Variants in WASF1 observed in about 807,000 individuals in gnomAD.
The protein encoded by WASF1 is actin-binding protein WASF1.
Under a neutral mutation model 50.5 loss-of-function variants are expected in WASF1, and 7 were observed. The ratio of observed to expected loss-of-function variants is 0.14; its 90% CI spans 0.08 to 0.26. The LOEUF is 0.26. WASF1 is among the 10% of genes least tolerant of loss of function. The probability of loss-of-function intolerance (pLI) is 1.00; values close to 1 mark genes in which losing one functional copy is unlikely to be tolerated. For missense variants in WASF1, 470 were observed against 694.7 expected (o/e 0.68, Z 3.64); for synonymous variants, 205 against 244.0 (o/e 0.84, Z 1.49).
At chr6:110,178,963 TTA>T (rs1009158427) in intron 1 of WASF1, among the ~76,000 whole-genome samples, 2 of 152,172 alleles carry the variant, frequency 1.3e-5, no homozygotes, top group Non-Finnish European at 2.9e-5. Flanking sequence ...CGCTTTACCG[TTA>T]TGTTTTCAGA....
At chr6:110,160,927 T>C (rs189919341) in intron 2 of WASF1, among the ~76,000 whole-genome samples, 195 bp from the exon 3 acceptor site, 41 of 151,690 alleles carry the variant, frequency 2.7e-4, no homozygotes, top group African/African-American at 9.9e-4. Flanking sequence ...TCATTAATCA[T>C]ATTCTACCAA....
intron 2 of WASF1, among the ~76,000 whole-genome samples, chr6:110,169,841 T>C (rs1417744247): frequency 1.3e-5 from 2 of 152,166 alleles, no homozygotes; most frequent in South Asian, 4.1e-4. Context: ...AGATATTTAG[T>C]ACAATGCCTA....
At chr6:110,141,913 A>G (rs1002884989) in intron 3 of WASF1, among the ~76,000 whole-genome samples, 1 of 152,016 alleles carries the variant, frequency 6.6e-6, no homozygotes, top group African/African-American at 2.4e-5. Context: ...CTGGGATTAC[A>G]GGTGCGCACC....
At chr6:110,114,573 G>T (rs1773710671) in intron 4 of WASF1, among the ~76,000 whole-genome samples, 1 of 152,082 alleles carries the variant, frequency 6.6e-6, no homozygotes. Context: ...ACTCTAACAT[G>T]ATTTGAGAAA....
chr6:110,114,444 AT>A (rs1316080237), intron 4 of WASF1, among the ~76,000 whole-genome samples: 2 of 152,234 alleles, frequency 1.3e-5, no homozygotes, highest in Non-Finnish European at 2.9e-5. Flanking sequence ...TCATGAAGCC[AT>A]TGCTGCAGAT....
chr6:110,113,824 T>C (rs544729148), intron 4 of WASF1, among the ~76,000 whole-genome samples: 2 of 152,288 alleles, frequency 1.3e-5, no homozygotes, highest in South Asian at 4.1e-4. Context: ...GCATAAAATC[T>C]ATGTAAATAC....
intron 3 of WASF1, among the ~76,000 whole-genome samples, chr6:110,158,556 G>GA (rs1776123919): frequency 7.7e-6 from 1 of 130,680 alleles, no homozygotes; most frequent in African/African-American, 3.3e-5. Context: ...GGCCATCTTG[G>GA]CTCTTCCCCT....
chr6:110,116,126 G>A (rs977799340), intron 4 of WASF1, among the ~76,000 whole-genome samples: 3 of 152,190 alleles, frequency 2.0e-5, no homozygotes, highest in Admixed American at 6.5e-5. Context: ...TGCAGAAGAC[G>A]GGTGATTTCT....
intron 3 of WASF1, among the ~76,000 whole-genome samples, chr6:110,145,133 A>G (rs887210140): frequency 2.0e-5 from 3 of 151,914 alleles, no homozygotes; most frequent in Non-Finnish European, 4.4e-5. Context: ...CTTTTATTTC[A>G]TTGAGCAGTG....
intron 3 of WASF1, among the ~76,000 whole-genome samples, chr6:110,142,281 GT>G (rs548212521): frequency 1.8e-4 from 27 of 152,158 alleles, no homozygotes; most frequent in African/African-American, 6.5e-4. Context: ...ATACAGACTA[GT>G]TTTGAAATAT....
In WASF1 at chr6:110,143,328, G is replaced by A. The variant is rs545599065; in HGVS notation, c.-28-15699C>T. 1.2e-4 allele frequency among the ~76,000 whole-genome samples: 18 copies of A among 151,100 alleles called. No individual in the cohort carries two copies. In the South Asian group the frequency reaches 3.8e-3, roughly 32 times the overall value. ...TACTGAAATCTAACCATAGCAAAAT[G>A]TTTGACAGAATTCTAAATTGTTTAT... On this transcript the variant is annotated intron_variant, in intron 3 of 10. Transcript: ENST00000392589.
intron 1 of WASF1, among the ~76,000 whole-genome samples, chr6:110,179,203 G>A (rs968389937): frequency 3.9e-5 from 6 of 152,132 alleles, no homozygotes; most frequent in African/African-American, 1.4e-4. Flanking sequence ...CTGCAGCCAA[G>A]CCCCAGGCGC....
In WASF1 at chr6:110,101,773, G is replaced by C. The variant is rs780140785; in HGVS notation, c.1337C>G (p.Thr446Arg). 1 of 1,614,036 alleles carries C rather than the reference G, an allele frequency of 6.2e-7. No homozygotes were observed. Among genetic ancestry groups the C allele is most frequent in the African/African-American group, 1.3e-5 (1 of 74,928 alleles). Residue 446 changes from threonine (T) to arginine (R), a missense_variant, in exon 10 of 11, where the codon ACA becomes AGA. Around this residue, in one of 3 missense-constraint regions of WASF1, gnomAD observed 294 missense variants for 343.5 expected, o/e 0.86. Coordinates refer to ENST00000392589, the MANE Select transcript of WASF1 (RefSeq NM_003931.3). ...CCCAGAGGGAGGATGAGCAAGAGCT[G>C]TAACTGTGACAGGTGATGATGGTCG... ...GIRPSSPVTV[T>R]ALAHPPSGLH... is the part of the protein sequence containing the mutation.
At chr6:110,108,458 T>C in intron 6 of WASF1, 70 bp downstream of exon 6, 1 of 1,441,244 alleles carries the variant, frequency 6.9e-7, no homozygotes, top group South Asian at 1.4e-5. Context: ...ATAAAGAATG[T>C]TTGGGGATTT....
chr6:110,154,945 T>C (rs2114589790), intron 3 of WASF1, among the ~76,000 whole-genome samples: 1 of 152,104 alleles, frequency 6.6e-6, no homozygotes, highest in Non-Finnish European at 1.5e-5. Context: ...AACATCCTAA[T>C]GCCAAATAAG....
intron 4 of WASF1, among the ~76,000 whole-genome samples, chr6:110,123,542 T>A (rs192910434): frequency 1.3e-5 from 2 of 152,304 alleles, no homozygotes; most frequent in East Asian, 3.9e-4. Context: ...GAGACCTTGG[T>A]ATCAATTTCC....
At chr6:110,153,396 A>G (rs1249016012) in intron 3 of WASF1, among the ~76,000 whole-genome samples, 1 of 152,162 alleles carries the variant, frequency 6.6e-6, no homozygotes, top group East Asian at 1.9e-4. Context: ...TGTACAATGT[A>G]ATGATAAACT....
chr6:110,158,423 T>C lies in WASF1; in HGVS notation c.-29+2212A>G, dbSNP rs1206673923. On this transcript the variant is annotated intron_variant, in intron 3 of 10. Transcript: ENST00000392589. ...TGATATCCCCTTTATCATTTTTTAT[T>C]GTGTCTATTTGATTCTTCTCTCTCT... Among the ~76,000 whole-genome samples, 2 of 137,518 alleles carry C rather than the reference T, an allele frequency of 1.5e-5. 1 individual carries two copies. The highest frequency in any genetic ancestry group is 1.4e-4 in the Admixed American group (2 of 14,026). The allele number at this position is 137,518 out of a possible 152,430, so 90.2% of individuals were successfully genotyped here. A position where few individuals can be genotyped will look rare whatever the true frequency, so the allele number is the denominator to read the frequency against.
At chr6:110,174,102 C>T (rs1229975162) in intron 2 of WASF1, among the ~76,000 whole-genome samples, 1 of 152,096 alleles carries the variant, frequency 6.6e-6, no homozygotes. Context: ...TTCTGTTTAC[C>T]TCTGCAACCT....
Sources: allele counts gnomAD v4.1 joint callset (sites outside exome capture counted in the v4.1 genomes callset), GRCh38; gene constraint gnomAD v4.1.1; regional missense constraint gnomAD v4.1.1; transcripts MANE v1.5; gene names NCBI Gene and HGNC (gene_info 2026-07-23, HGNC 2026-07-21).